The following N4BP2 variants were observed in gnomAD, a reference collection of about 807,000 sequenced individuals.
The protein encoded by N4BP2 is NEDD4-binding protein 2.
A neutral mutation model predicts 152.8 loss-of-function variants in N4BP2; 91 were observed. That is an observed-to-expected ratio of 0.60 (90% CI 0.50 to 0.71). The LOEUF is 0.71. N4BP2 is among the 30% of genes least tolerant of loss of function. The pLI is 0.00. For missense variants in N4BP2, 1,923 were observed against 2,059.1 expected, an observed-to-expected ratio of 0.93 and a Z score of 1.28; for synonymous variants, 646 against 705.3, an observed-to-expected ratio of 0.92 and a Z score of 1.33.
At chr4:40,182,789 G>A in the N4BP2 span, among the ~76,000 whole-genome samples, 1 of 152,044 alleles carries the variant, frequency 6.6e-6, no homozygotes, top group Non-Finnish European at 1.5e-5. Flanking sequence ...CGATTCTCCT[G>A]TCTCAGCCTC....
chr4:40,125,984 G>A (rs1420891382), intron 11 of N4BP2, 150 bp from the exon 12 acceptor site: 16 of 436,564 alleles, frequency 3.7e-5, no homozygotes, highest in Non-Finnish European at 5.7e-5. Context: ...ACGTGAAGAT[G>A]TATTTTACAA....
chr4:40,096,325 TAAG>T (rs1409180001), intron 2 of N4BP2, among the ~76,000 whole-genome samples: 1 of 152,126 alleles, frequency 6.6e-6, no homozygotes, highest in Non-Finnish European at 1.5e-5. Context: ...TGAATAATGA[TAAG>T]AAGGTGATAA....
chr4:40,130,828 C>T lies in N4BP2; in HGVS notation c.4528-973C>T, dbSNP rs150891560. Among the ~76,000 whole-genome samples the T allele has an allele frequency of 1.0e-3, 156 of 152,268 alleles. 1 individual carries two copies. The highest frequency in any genetic ancestry group is 3.2e-3 in the African/African-American group (131 of 41,548). The stretch of plus-strand genomic sequence containing the variant: ...TGAAACTGTATAGGAAGTTATTTTT[C>T]AGACATCAGCATTTTTGTAGCAAAC... On this transcript the variant is annotated intron_variant, in intron 12 of 17. Transcript: ENST00000261435.
chr4:40,144,609 T>C, intron 15 of N4BP2, 23 bp from the exon 16 acceptor site: 1 of 1,574,074 alleles, frequency 6.4e-7, no homozygotes. Context: ...AAACTGTCCC[T>C]TGGTGATATG....
At chr4:40,112,926 AC>A (rs1717022398) in intron 6 of N4BP2, among the ~76,000 whole-genome samples, 1 of 150,674 alleles carries the variant, frequency 6.6e-6, no homozygotes, top group African/African-American at 2.4e-5. Context: ...CTGGTCTTGA[AC>A]TCCTGACCTC....
chr4:40,181,216 T>TTGGTGGC, the N4BP2 span, among the ~76,000 whole-genome samples: 1 of 152,148 alleles, frequency 6.6e-6, no homozygotes, highest in African/African-American at 2.4e-5. Context: ...AAAATAGTCA[T>TTGGTGGC]TGGTGGCTCT....
At chr4:40,185,292 G>A in the N4BP2 span, among the ~76,000 whole-genome samples, 1 of 152,106 alleles carries the variant, frequency 6.6e-6, no homozygotes, top group African/African-American at 2.4e-5. Context: ...AAGTGAAGAT[G>A]TTGCTAATAA....
intron 2 of N4BP2, among the ~76,000 whole-genome samples, chr4:40,095,426 C>T (rs1715023016): frequency 2.0e-5 from 3 of 152,152 alleles, no homozygotes; most frequent in African/African-American, 4.8e-5. Flanking sequence ...TACACAGTGC[C>T]TTTCTTTGTC....
chr4:40,119,490 G>GC (rs1420579799), intron 8 of N4BP2, among the ~76,000 whole-genome samples: 1 of 152,098 alleles, frequency 6.6e-6, no homozygotes, highest in African/African-American at 2.4e-5. Flanking sequence ...CGGGCAAATA[G>GC]CGTTGGTTGG....
chr4:40,153,664 G>A (rs551844891), intron 17 of N4BP2, among the ~76,000 whole-genome samples: 71 of 152,080 alleles, frequency 4.7e-4, no homozygotes, highest in Non-Finnish European at 9.0e-4. Flanking sequence ...CTACATTATC[G>A]AAAATGATAG....
rs149427045 is a variant in N4BP2 at position 40,059,592 on chromosome 4, C to T, written c.-212+2562C>T. ...CTGTAACTCCTGGCCTCAAGTGATC[C>T]GCCCGCTTTGGCCTCCCAAAGTGCT... On this transcript the variant is annotated intron_variant, in intron 1 of 17. Transcript: ENST00000261435. Among the ~76,000 whole-genome samples, 901 of 151,150 alleles carry T rather than the reference C, an allele frequency of 6.0e-3. 18 individuals are homozygous for T. The highest frequency in any genetic ancestry group is 0.021 in the African/African-American group (856 of 40,546).
At chr4:40,097,004 AAT>A (rs1715168220) in intron 2 of N4BP2, among the ~76,000 whole-genome samples, 1 of 152,212 alleles carries the variant, frequency 6.6e-6, no homozygotes, top group Admixed American at 6.5e-5. Context: ...AATGTATTGA[AAT>A]AGTGTATTCA....
Position 40,119,963 on chromosome 4 carries a change from A to G in N4BP2, c.1852A>G (p.Lys618Glu), listed in dbSNP as rs765588041. Residue 618 changes from lysine to glutamate, a missense_variant, in exon 9 of 18, where the codon AAA (lysine) becomes GAA (glutamate). Coordinates refer to ENST00000261435, the MANE Select transcript of N4BP2 (RefSeq NM_018177.6). ...PRDDEDIISE[K>E]EENILSLSLK... ...AGACGATGAAGATATTATCTCTGAA[A>G]AAGAAGAAAATATTTTATCTTTATC... is the stretch of plus-strand genomic sequence containing the variant. 1.3e-6 allele frequency: 2 copies of G among 1,492,180 alleles called. No individual in the cohort carries two copies. Among genetic ancestry groups the G allele is most frequent in the South Asian group, 2.5e-5 (2 of 80,494 alleles). 92.4% of individuals were successfully genotyped at this position (1,492,180 alleles called of 1,614,324 possible). A position where few individuals can be genotyped will look rare whatever the true frequency, so the allele number is the denominator to read the frequency against.
At chr4:40,173,177 A>G in the N4BP2 span, among the ~76,000 whole-genome samples, 619 of 150,016 alleles carry the variant, frequency 4.1e-3, 7 homozygotes, top group South Asian at 0.028. Context: ...TTGTCCCCTT[A>G]GAGGGGCTAG....
the N4BP2 span, among the ~76,000 whole-genome samples, chr4:40,185,852 T>C: frequency 1.3e-5 from 2 of 152,202 alleles, no homozygotes; most frequent in Admixed American, 1.3e-4. Context: ...CGCAGCAGGC[T>C]TAGTTTGAAA....
At chr4:40,132,041 A>G (rs2110015027) in intron 13 of N4BP2, 122 bp downstream of exon 13, 2 of 710,464 alleles carry the variant, frequency 2.8e-6, no homozygotes, top group East Asian at 5.0e-5. Flanking sequence ...ATCTGTGGGT[A>G]TTATTCCAAG....
chr4:40,085,984 A>T (rs1341990155), intron 2 of N4BP2, among the ~76,000 whole-genome samples: 1 of 150,056 alleles, frequency 6.7e-6, no homozygotes, highest in Non-Finnish European at 1.5e-5. Flanking sequence ...TTTTTTTTTG[A>T]GACGGAGTTT....
At chr4:40,113,870 G>A (rs1448304082) in intron 7 of N4BP2, among the ~76,000 whole-genome samples, 1 of 152,096 alleles carries the variant, frequency 6.6e-6, no homozygotes, top group Non-Finnish European at 1.5e-5. Flanking sequence ...GGGACCACAG[G>A]TGTGAGCCAC....
intron 13 of N4BP2, among the ~76,000 whole-genome samples, chr4:40,134,176 A>T (rs1310082529): frequency 6.6e-6 from 1 of 152,120 alleles, no homozygotes; most frequent in African/African-American, 2.4e-5. Context: ...ACCTAAATCA[A>T]ATCTTTAAAA....
Sources: gnomAD v4.1 joint callset for allele counts (sites outside exome capture counted in the v4.1 genomes callset) on GRCh38, gnomAD v4.1.1 for gene constraint, MANE v1.5 for transcripts, NCBI Gene and HGNC (gene_info 2026-07-23, HGNC 2026-07-21) for gene names.